ITPKB: variants seen among roughly 807,000 people sequenced by gnomAD.
ITPKB encodes inositol-trisphosphate 3-kinase B, also known as IP3 3-kinase B.
ITPKB carries 13 observed loss-of-function variants against 69.4 expected under a neutral mutation model. That is an observed-to-expected ratio of 0.19 (90% CI 0.12 to 0.30). The LOEUF (loss-of-function observed/expected upper bound fraction) is 0.30, where lower values mean the gene tolerates loss of function less well. Among genes scored for constraint, ITPKB ranks in the 10% least tolerant of loss-of-function variants. The pLI, the probability that ITPKB is intolerant of heterozygous loss-of-function variation, is 1.00. For missense variants in ITPKB, 1,240 were observed against 1,250.5 expected (o/e 0.99, Z 0.13); for synonymous variants, 584 against 513.7 (o/e 1.14, Z -1.85).
rs569859868 is a variant in ITPKB, at chr1:226,736,288, T to C, written c.1171A>G (p.Lys391Glu). 6.6e-5 allele frequency: 105 copies of C among 1,602,308 alleles called. No individual in the cohort carries two copies. The highest frequency in any genetic ancestry group is 6.4e-4 in the South Asian group (57 of 89,468). ...MPGSGEPEVGKRPEETTVSVQ... is the reference protein window; with the variant it reads ...MPGSGEPEVGERPEETTVSVQ... ...CTCACAGTCGTCTCCTCTGGCCTTTTGCCCACTTCAGGCTCCCCAGAGCCC... is the reference window on the plus strand; with the variant it reads ...CTCACAGTCGTCTCCTCTGGCCTTTCGCCCACTTCAGGCTCCCCAGAGCCC... The change falls in exon 2 of 8, where the codon AAA (lysine) becomes GAA (glutamate). Residue 391 changes from lysine to glutamate, a missense_variant. Physicochemically the swap from Lys to Glu is moderately conservative, Grantham distance 56. This residue lies in a region of ITPKB where 992 missense variants were observed against 853.8 expected (regional missense o/e 1.16). Transcript: ENST00000429204.
chr1:226,700,898 T>TGAA (rs1571864547), intron 2 of ITPKB, among the ~76,000 whole-genome samples: 2 of 152,240 alleles, frequency 1.3e-5, no homozygotes, highest in East Asian at 3.8e-4. Flanking sequence ...GGCCTGTGTC[T>TGAA]TTTTCTGGAT....
intron 2 of ITPKB, chr1:226,707,870 C>A: frequency 7.7e-7 from 1 of 1,297,680 alleles, no homozygotes; most frequent in Non-Finnish European, 1.0e-6. Context: ...TGGTATTGGA[C>A]GTTGCCCCAG....
intron 2 of ITPKB, among the ~76,000 whole-genome samples, chr1:226,653,569 A>C (rs537178189): frequency 7.9e-5 from 12 of 152,274 alleles, no homozygotes; most frequent in African/African-American, 2.9e-4. Flanking sequence ...ACAAGGTTTA[A>C]GCTCTCCCAT....
At chr1:226,689,651 A>C (rs1267235196) in intron 2 of ITPKB, among the ~76,000 whole-genome samples, 1 of 151,440 alleles carries the variant, frequency 6.6e-6, no homozygotes, top group African/African-American at 2.4e-5. Context: ...GTTCAGAGGT[A>C]CATGTACAGG....
Position 226,647,202 on chromosome 1 carries a change from G to T in ITPKB, c.2211C>A (p.Asp737Glu), listed in dbSNP as rs931390834. The change falls in exon 4 of 8, where the codon GAC (aspartate) becomes GAA (glutamate). Residue 737 changes from aspartate (D) to glutamate (E), a missense_variant. Transcript: ENST00000429204. The part of the protein sequence containing the change: ...NQMDDLLADF[D>E]SPCVMDCKMG... The stretch of plus-strand genomic sequence containing the variant: ...TCTTGCAGTCCATCACACAGGGCGA[G>T]TCGAAGTCGGCCAGCAGGTCGTCCA... 6.2e-7 allele frequency: 1 copy of T among 1,614,224 alleles called. No individual in the cohort carries two copies. Among genetic ancestry groups the T allele is most frequent in the East Asian group, 2.2e-5 (1 of 44,884 alleles).
Position 226,737,486 on chromosome 1 carries a change from C to T in ITPKB, c.-28G>A, listed in dbSNP as rs1351872020. The T allele has an allele frequency of 6.5e-7, 1 of 1,530,468 alleles. No individual in the cohort carries two copies. 94.8% of individuals were successfully genotyped at this position (1,530,468 alleles called of 1,614,324 possible). ...TACTGGGTCCCGCGCTGCCCGCCGC[C>T]GCGGCTCCCGCTCCTGCTCCGCCGC... On this transcript the variant is annotated 5_prime_UTR_variant, in exon 2 of 8. Transcript: ENST00000429204.
In ITPKB at chr1:226,632,125, A is replaced by T. The variant is rs2102733600; in HGVS notation, c.*2546T>A. On this transcript the variant is annotated 3_prime_UTR_variant, in exon 8 of 8. Coordinates refer to ENST00000429204, the MANE Select transcript of ITPKB (RefSeq NM_002221.4). ...AATAAATATAACTTAAAAATGTCTT[A>T]CATGACACTAAAGGCAAGCCTGGGA... The T allele has an allele frequency of 6.5e-6, 1 of 152,810 alleles. No individual in the cohort carries two copies. Among genetic ancestry groups the T allele is most frequent in the East Asian group, 1.9e-4 (1 of 5,188 alleles). The allele number at this position is 152,810 out of a possible 1,614,324, so 9.5% of individuals were successfully genotyped here. A position where few individuals can be genotyped will look rare whatever the true frequency, so the allele number is the denominator to read the frequency against.
At position 226,642,234 on chromosome 1, in the gene ITPKB, T is replaced by C; in HGVS notation, c.2247-109A>G. On this transcript the variant is annotated intron_variant, in intron 4 of 7. Coordinates refer to ENST00000429204, the MANE Select transcript of ITPKB (RefSeq NM_002221.4). The surrounding 1 kb of genome is among the most constrained non-coding windows in gnomAD (Gnocchi z 6.4). ...TTTGGGGCGTGTGTTGCCCAACAGC[T>C]GCAGTCAGCTCAGTGCCCTGAGTCA... 1 of 859,120 alleles carries C rather than the reference T, an allele frequency of 1.2e-6. No individual in the cohort carries two copies. 53.2% of individuals were successfully genotyped at this position (859,120 alleles called of 1,614,324 possible).
chr1:226,668,404 T>C (rs891642147), intron 2 of ITPKB, among the ~76,000 whole-genome samples: 2 of 152,212 alleles, frequency 1.3e-5, no homozygotes, highest in African/African-American at 4.8e-5. Flanking sequence ...CCCCGAGTCC[T>C]GTGGTACGAT....
chr1:226,715,417 C>T (rs780906073), intron 2 of ITPKB, among the ~76,000 whole-genome samples: 19 of 152,148 alleles, frequency 1.2e-4, no homozygotes, highest in African/African-American at 4.1e-4. Context: ...TAGTTCATTG[C>T]GAAGCACAAA....
At chr1:226,719,002 C>G (rs1376265698) in intron 2 of ITPKB, among the ~76,000 whole-genome samples, 1 of 152,166 alleles carries the variant, frequency 6.6e-6, no homozygotes, top group Admixed American at 6.6e-5. Flanking sequence ...GGGGCCGGCA[C>G]GATGGCTCGT....
chr1:226,677,580 CT>C (rs1655926542), intron 2 of ITPKB, among the ~76,000 whole-genome samples: 1 of 152,236 alleles, frequency 6.6e-6, no homozygotes, highest in South Asian at 2.1e-4. Context: ...CCCTCTTCCC[CT>C]TAAGGGCCCA....
chr1:226,731,653 C>T (rs1393989673), intron 2 of ITPKB, among the ~76,000 whole-genome samples: 2 of 152,144 alleles, frequency 1.3e-5, no homozygotes, highest in Non-Finnish European at 2.9e-5. Flanking sequence ...TGAGTGTGTC[C>T]TTGGTTCCCT....
intron 2 of ITPKB, among the ~76,000 whole-genome samples, chr1:226,695,169 G>A (rs1656446925): frequency 6.6e-6 from 1 of 152,218 alleles, no homozygotes; most frequent in Non-Finnish European, 1.5e-5. Flanking sequence ...GGCGGAGGTT[G>A]TAGTGAGCTG....
At chr1:226,647,934 C>T (rs749143000) in intron 3 of ITPKB, among the ~76,000 whole-genome samples, 50 of 152,210 alleles carry the variant, frequency 3.3e-4, no homozygotes, top group South Asian at 6.2e-4. Context: ...GTGTGGCCAA[C>T]GAGGTAAGCG....
intron 2 of ITPKB, among the ~76,000 whole-genome samples, chr1:226,731,162 G>A (rs556420940): frequency 6.6e-6 from 1 of 152,312 alleles, no homozygotes; most frequent in African/African-American, 2.4e-5. Flanking sequence ...GTGTGGGCAA[G>A]GCCTCAGTTT....
chr1:226,736,097 C>G lies in ITPKB; in HGVS notation c.1362G>C (p.Gly454=). ...EGGSPTLGLL[G]GSPSAQPGTG... The stretch of plus-strand genomic sequence containing the variant: ...TCCCCGGCTGTGCTGAGGGGCTGCC[C>G]CCAAGCAAGCCCAGCGTTGGGGACC... The change falls in exon 2 of 8, where the codon GGG becomes GGC. Residue 454 remains glycine (G), a synonymous_variant. Coordinates refer to ENST00000429204, the MANE Select transcript of ITPKB (RefSeq NM_002221.4). 1 of 1,606,954 alleles carries G rather than the reference C, an allele frequency of 6.2e-7. No individual in the cohort carries two copies. The highest frequency in any genetic ancestry group is 2.2e-5 in the East Asian group (1 of 44,776).
chr1:226,661,023 A>G (rs138093961), intron 2 of ITPKB, among the ~76,000 whole-genome samples: 2 of 152,354 alleles, frequency 1.3e-5, no homozygotes, highest in Non-Finnish European at 2.9e-5. Flanking sequence ...AAATTTACCA[A>G]AGGCCTTCAC....
intron 2 of ITPKB, among the ~76,000 whole-genome samples, chr1:226,705,947 A>G: frequency 6.6e-6 from 1 of 152,204 alleles, no homozygotes; most frequent in Non-Finnish European, 1.5e-5. Flanking sequence ...CACATCTTCC[A>G]ACTCCCAAGC....
Sources: gnomAD v4.1 joint callset for allele counts (sites outside exome capture counted in the v4.1 genomes callset) on GRCh38, gnomAD v4.1.1 for gene constraint, gnomAD v4.1.1 regional missense constraint, Gnocchi (gnomAD v3.1) non-coding constraint, MANE v1.5 for transcripts, NCBI Gene and HGNC (gene_info 2026-07-23, HGNC 2026-07-21) for gene names.